STPG2: variants seen among roughly 807,000 people sequenced by gnomAD.
STPG2 encodes sperm tail PG-rich repeat containing 2.
STPG2 carries 56 observed loss-of-function variants against 54.2 expected under a neutral mutation model. That is an observed-to-expected ratio of 1.03 (90% CI 0.83 to 1.29). The LOEUF is 1.29. Ranked by LOEUF, STPG2 falls within the 50% of genes most tolerant of loss-of-function variation. The pLI is 0.00. For missense variants in STPG2, 596 were observed against 544.9 expected, an observed-to-expected ratio of 1.09 and a Z score of -0.93; for synonymous variants, 200 against 181.8, an observed-to-expected ratio of 1.10 and a Z score of -0.81.
intron 8 of STPG2, among the ~76,000 whole-genome samples, chr4:97,871,271 G>T (rs556357839): frequency 2.0e-5 from 3 of 150,830 alleles, no homozygotes; most frequent in Admixed American, 6.6e-5. Context: ...AGAAAGCAAA[G>T]AAAGGAAATA....
chr4:97,726,568 T>C (rs1301672869), intron 9 of STPG2, among the ~76,000 whole-genome samples: 2 of 152,076 alleles, frequency 1.3e-5, no homozygotes, highest in Non-Finnish European at 2.9e-5. Context: ...CATGCAGAAG[T>C]GGAAATCCAA....
chr4:97,953,271 G>A (rs1372046954), intron 7 of STPG2, among the ~76,000 whole-genome samples: 1 of 152,170 alleles, frequency 6.6e-6, no homozygotes, highest in East Asian at 1.9e-4. Context: ...GTCAGGAGTA[G>A]CAGGTGGCAG....
In STPG2 at chr4:97,465,611, T is replaced by C. The variant is rs532958238; in HGVS notation, c.462+247088A>G. Reference sequence around the variant, plus strand: ...GATTGGTTCCAGGAACCCCAGTGCATACCAAAATCCTTAGATGTTCAGGTT... The same window carrying C: ...GATTGGTTCCAGGAACCCCAGTGCACACCAAAATCCTTAGATGTTCAGGTT... On this transcript the variant is annotated intron_variant, in intron 4 of 4. Coordinates refer to the STPG2 transcript ENST00000522676. Among the ~76,000 whole-genome samples the C allele has an allele frequency of 1.2e-3, 187 of 152,198 alleles. 1 individual carries two copies. Among genetic ancestry groups the C allele is most frequent in the African/African-American group, 4.3e-3 (180 of 41,536 alleles).
At chr4:97,463,730 G>C (rs904658933) in intron 4 of STPG2, 3 of 152,196 alleles carry the variant, frequency 2.0e-5, no homozygotes, top group African/African-American at 7.2e-5. Context: ...GATTACAGGC[G>C]TGAGCCACTA....
At chr4:97,913,804 C>T (rs1354222343) in intron 8 of STPG2, among the ~76,000 whole-genome samples, 3 of 151,942 alleles carry the variant, frequency 2.0e-5, no homozygotes, top group Non-Finnish European at 4.4e-5. Context: ...TAATCTGATG[C>T]TAAATTTGAA....
rs562455964 is a variant in STPG2 at position 97,525,069 on chromosome 4, G to C, written c.462+187630C>G. 3.4e-4 allele frequency among the ~76,000 whole-genome samples: 52 copies of C among 151,908 alleles called. No individual in the cohort carries two copies. In the South Asian group the frequency reaches 0.01, roughly 30 times the overall value. ...AACCACTTTTCTCTAATTTACCAGAGTGATTATTTGAAGATGTTATTTATA... is the reference window on the plus strand; with the variant it reads ...AACCACTTTTCTCTAATTTACCAGACTGATTATTTGAAGATGTTATTTATA... On this transcript the variant is annotated intron_variant, in intron 4 of 4. Coordinates refer to the STPG2 transcript ENST00000522676.
At chr4:97,862,375 C>A (rs570038668) in intron 8 of STPG2, among the ~76,000 whole-genome samples, 1 of 152,210 alleles carries the variant, frequency 6.6e-6, no homozygotes, top group African/African-American at 2.4e-5. Flanking sequence ...GTAAACGGAT[C>A]AATTCAACAA....
At chr4:97,769,243 C>A (rs1184837989) in intron 9 of STPG2, among the ~76,000 whole-genome samples, 1 of 152,134 alleles carries the variant, frequency 6.6e-6, no homozygotes, top group South Asian at 2.1e-4. Context: ...CCACTTTTGC[C>A]AATGACAGAA....
chr4:97,570,560 G>T (rs1438058898), intron 10 of STPG2, among the ~76,000 whole-genome samples: 1 of 145,274 alleles, frequency 6.9e-6, no homozygotes, highest in Non-Finnish European at 1.5e-5. Flanking sequence ...AAAAACAAAA[G>T]TTTTTTTTTT....
intron 5 of STPG2, among the ~76,000 whole-genome samples, chr4:98,027,826 T>C (rs1245454394): frequency 6.6e-6 from 1 of 152,202 alleles, no homozygotes; most frequent in Non-Finnish European, 1.5e-5. Flanking sequence ...ATAAGTAGTT[T>C]TATCAGCCTG....
At chr4:97,485,866 T>C (rs1347766900) in intron 4 of STPG2, among the ~76,000 whole-genome samples, 1 of 151,688 alleles carries the variant, frequency 6.6e-6, no homozygotes, top group Non-Finnish European at 1.5e-5. Flanking sequence ...TGGAACAGAA[T>C]AGAGAACCCA....
At chr4:97,922,323 G>GA (rs142264690) in intron 8 of STPG2, among the ~76,000 whole-genome samples, 2,298 of 151,800 alleles carry the variant, frequency 0.015, 52 homozygotes, top group African/African-American at 0.053. Flanking sequence ...AGAAAAAAAG[G>GA]AAAAAATAAT....
At chr4:97,910,535 T>C (rs1363293325) in intron 8 of STPG2, among the ~76,000 whole-genome samples, 1 of 152,150 alleles carries the variant, frequency 6.6e-6, no homozygotes. Context: ...CAAATTGACA[T>C]CTGAACCACA....
intron 4 of STPG2, among the ~76,000 whole-genome samples, chr4:97,526,913 C>A (rs1447763232): frequency 6.6e-6 from 1 of 151,828 alleles, no homozygotes; most frequent in African/African-American, 2.4e-5. Context: ...GGTTTCCCAG[C>A]ACCATTTATT....
At chr4:97,927,816 A>T (rs1732393941) in intron 8 of STPG2, among the ~76,000 whole-genome samples, 1 of 152,060 alleles carries the variant, frequency 6.6e-6, no homozygotes, top group South Asian at 2.1e-4. Flanking sequence ...GTACTCAATG[A>T]GTTAATATGC....
chr4:97,476,981 G>A (rs987421044), intron 4 of STPG2, among the ~76,000 whole-genome samples: 9 of 152,122 alleles, frequency 5.9e-5, no homozygotes, highest in Non-Finnish European at 2.9e-5. Flanking sequence ...GGAGTTTGGG[G>A]ACAAAACCAC....
At chr4:97,997,374 A>AG (rs1735274788) in intron 5 of STPG2, among the ~76,000 whole-genome samples, 1 of 152,202 alleles carries the variant, frequency 6.6e-6, no homozygotes, top group Non-Finnish European at 1.5e-5. Context: ...CAGAAGGCAA[A>AG]GGGGGAGTAG....
chr4:98,030,683 T>C lies in STPG2; in HGVS notation c.613-49365A>G, dbSNP rs1736566915. Among the ~76,000 whole-genome samples, 2 of 151,902 alleles carry C rather than the reference T, an allele frequency of 1.3e-5. 1 individual carries two copies. The highest frequency in any genetic ancestry group is 4.2e-4 in the South Asian group (2 of 4,818). On this transcript the variant is annotated intron_variant, in intron 5 of 10. Transcript: ENST00000295268. ...ACAGCATGATACTGGTACAAAAAAA[T>C]AGTCACATAGACCAACAGATCAGAA...
intron 4 of STPG2, among the ~76,000 whole-genome samples, chr4:97,450,534 G>A (rs1287255375): frequency 6.6e-6 from 1 of 152,168 alleles, no homozygotes; most frequent in Non-Finnish European, 1.5e-5. Flanking sequence ...ACAATTGAAA[G>A]GAAATATGAA....
Sources: gnomAD v4.1 joint callset for allele counts (sites outside exome capture counted in the v4.1 genomes callset) on GRCh38, gnomAD v4.1.1 for gene constraint, MANE v1.5 for transcripts, NCBI Gene and HGNC (gene_info 2026-07-23, HGNC 2026-07-21) for gene names.